The following FUT8 variants were observed in gnomAD, a reference collection of about 807,000 sequenced individuals.
The protein encoded by FUT8 is fucosyltransferase 8.
FUT8 carries 29 observed loss-of-function variants against 71.3 expected under a neutral mutation model. That is an observed-to-expected ratio of 0.41 (90% confidence interval 0.30 to 0.55). FUT8 has a LOEUF of 0.55. FUT8 is among the 20% of genes least tolerant of loss of function. FUT8 has a pLI of 0.34. For missense variants in FUT8, 544 were observed against 702.1 expected (o/e 0.77, Z 2.55); for synonymous variants, 254 against 239.3 (o/e 1.06, Z -0.57).
At chr14:65,663,378 T>C (rs1373137004) in intron 6 of FUT8, among the ~76,000 whole-genome samples, 1 of 152,146 alleles carries the variant, frequency 6.6e-6, no homozygotes, top group Admixed American at 6.5e-5. Context: ...GCTTTATTTT[T>C]TTTTTCTAGA....
chr14:65,556,637 A>G (rs1049081442), intron 2 of FUT8, among the ~76,000 whole-genome samples: 3 of 152,180 alleles, frequency 2.0e-5, no homozygotes, highest in African/African-American at 7.2e-5. Context: ...TGCAGCCAAC[A>G]CTCAAGAGGA....
At chr14:65,651,764 C>T (rs1357611542) in intron 6 of FUT8, among the ~76,000 whole-genome samples, 1 of 151,994 alleles carries the variant, frequency 6.6e-6, no homozygotes, top group Non-Finnish European at 1.5e-5. Flanking sequence ...AAAATTAGCT[C>T]AGTAGTAAAA....
intron 1 of FUT8, among the ~76,000 whole-genome samples, chr14:65,421,191 CA>C (rs2065288073): frequency 5.2e-5 from 3 of 57,532 alleles, no homozygotes; most frequent in Admixed American, 2.1e-4. Context: ...GACTCCATCT[CA>C]GGAAAAAAAA....
chr14:65,521,042 A>G (rs1173903943), intron 2 of FUT8, among the ~76,000 whole-genome samples: 1 of 152,156 alleles, frequency 6.6e-6, no homozygotes, highest in Non-Finnish European at 1.5e-5. Flanking sequence ...TGAATATGAT[A>G]ATTTGAAATC....
At position 65,643,675 on chromosome 14, in the gene FUT8, C is replaced by T. The variant is rs1435923402; in HGVS notation, c.597+14069C>T. Among the ~76,000 whole-genome samples, 5 of 77,410 alleles carry T rather than the reference C, an allele frequency of 6.5e-5. No homozygotes were observed. Among genetic ancestry groups the T allele is most frequent in the Non-Finnish European group, 1.4e-4 (4 of 28,244 alleles). The allele number at this position is 77,410 out of a possible 152,430, so 50.8% of individuals were successfully genotyped here. A position where few individuals can be genotyped will look rare whatever the true frequency, so the allele number is the denominator to read the frequency against. ...TCTTTAAAAAAAAAATACACACACA[C>T]ACACACACACACACACACACACACA... On this transcript the variant is annotated intron_variant, in intron 6 of 10. Transcript: ENST00000673929. This position sits in a 1 kb window ranked among gnomAD's most constrained non-coding sequence, Gnocchi z 4.5.
rs1890293934 is a variant in FUT8 at position 65,633,095 on chromosome 14, T to A, written c.597+3489T>A. On this transcript the variant is annotated intron_variant, in intron 6 of 10. Coordinates refer to ENST00000673929, the MANE Select transcript of FUT8 (RefSeq NM_001371533.1). ...CCGAAGCTGGACTGTACTGCTGCCATCTCGGCTCACTGCAACCTCCCTGCC... is the reference window on the plus strand; with the variant it reads ...CCGAAGCTGGACTGTACTGCTGCCAACTCGGCTCACTGCAACCTCCCTGCC... 3.4e-5 allele frequency among the ~76,000 whole-genome samples: 5 copies of A among 145,126 alleles called. No individual in the cohort carries two copies. The South Asian group carries it at 1.2e-3, about 34-fold the overall frequency.
intron 1 of FUT8, among the ~76,000 whole-genome samples, chr14:65,419,394 C>G (rs1034769297): frequency 1.3e-5 from 2 of 152,054 alleles, no homozygotes; most frequent in African/African-American, 4.8e-5. Context: ...ACAGTGTTCT[C>G]CACTCATGGG....
At chr14:65,482,988 T>C (rs1349326322) in intron 2 of FUT8, among the ~76,000 whole-genome samples, 1 of 152,206 alleles carries the variant, frequency 6.6e-6, no homozygotes, top group Non-Finnish European at 1.5e-5. Flanking sequence ...GCTTCTGCAG[T>C]GCTCAGAGGG....
chr14:65,737,612 T>C (rs1275388839), intron 10 of FUT8, among the ~76,000 whole-genome samples: 1 of 152,130 alleles, frequency 6.6e-6, no homozygotes, highest in African/African-American at 2.4e-5. Flanking sequence ...AAATATTGCT[T>C]ATCAGGTTCT....
intron 5 of FUT8, among the ~76,000 whole-genome samples, chr14:65,623,359 T>A (rs1326675881): frequency 6.6e-6 from 1 of 152,138 alleles, no homozygotes; most frequent in African/African-American, 2.4e-5. Flanking sequence ...ACATAAAACA[T>A]AACCAATTTT....
chr14:65,609,227 G>A (rs938373912), intron 3 of FUT8, among the ~76,000 whole-genome samples: 7 of 151,386 alleles, frequency 4.6e-5, no homozygotes, highest in African/African-American at 1.7e-4. Context: ...CCCGAGAGGT[G>A]GAGGTTGCAG....
chr14:65,433,862 G>A (rs996353390), intron 1 of FUT8, among the ~76,000 whole-genome samples: 12 of 150,698 alleles, frequency 8.0e-5, no homozygotes, highest in Admixed American at 2.6e-4. Flanking sequence ...TCACAGATGT[G>A]ATCATAGAGC....
At chr14:65,553,025 G>A (rs566976043) in intron 2 of FUT8, among the ~76,000 whole-genome samples, 235 of 152,106 alleles carry the variant, frequency 1.5e-3, no homozygotes, top group African/African-American at 4.9e-3. Flanking sequence ...GTGTGATCAC[G>A]GCTCTCTGCA....
chr14:65,518,322 G>A (rs1882846909), intron 2 of FUT8, among the ~76,000 whole-genome samples: 1 of 152,136 alleles, frequency 6.6e-6, no homozygotes, highest in Non-Finnish European at 1.5e-5. Flanking sequence ...TACTGTAGTA[G>A]TATTTTTTTC....
intron 1 of FUT8, among the ~76,000 whole-genome samples, chr14:65,435,901 G>C (rs1044176033): frequency 7.6e-6 from 1 of 131,544 alleles, no homozygotes; most frequent in African/African-American, 2.8e-5. Context: ...TTTTATTTTC[G>C]TGTGCTTTAA....
At chr14:65,546,221 G>A (rs552532344) in intron 2 of FUT8, among the ~76,000 whole-genome samples, 1 of 151,596 alleles carries the variant, frequency 6.6e-6, no homozygotes, top group South Asian at 2.1e-4. Flanking sequence ...GTACTTGCTG[G>A]CAAGTACTAG....
At chr14:65,532,553 C>G (rs1884023425) in intron 2 of FUT8, among the ~76,000 whole-genome samples, 1 of 151,962 alleles carries the variant, frequency 6.6e-6, no homozygotes, top group African/African-American at 2.4e-5. Flanking sequence ...ATTCATAGAC[C>G]TTTACAGTTG....
chr14:65,572,915 C>G (rs1295077571), intron 3 of FUT8, among the ~76,000 whole-genome samples: 1 of 152,124 alleles, frequency 6.6e-6, no homozygotes, highest in African/African-American at 2.4e-5. Flanking sequence ...AAAGATATAG[C>G]TGATGTGAAT....
intron 1 of FUT8, among the ~76,000 whole-genome samples, chr14:65,450,251 C>T (rs72714439): frequency 0.13 from 20,305 of 152,134 alleles, 1,797 homozygotes; most frequent in Middle Eastern, 0.2. Context: ...TTCAATATTA[C>T]AGATTGAAAA....
Sources: gnomAD v4.1 joint callset for allele counts (sites outside exome capture counted in the v4.1 genomes callset) on GRCh38, gnomAD v4.1.1 for gene constraint, Gnocchi (gnomAD v3.1) non-coding constraint, MANE v1.5 for transcripts, NCBI Gene and HGNC (gene_info 2026-07-23, HGNC 2026-07-21) for gene names.